The following SPIDR variants were observed in gnomAD, a reference collection of about 807,000 sequenced individuals.
SPIDR encodes scaffold protein involved in DNA repair.
In SPIDR, 93 loss-of-function variants were observed where a neutral mutation model predicts 104.6. The ratio of observed to expected loss-of-function variants is 0.89; its 90% CI spans 0.75 to 1.06. The LOEUF is 1.06. Ranked by LOEUF, SPIDR falls within the 50% of genes least tolerant of loss-of-function variation. The pLI, the probability that SPIDR is intolerant of heterozygous loss-of-function variation, is 0.00. For synonymous variants in SPIDR, 431 were observed against 416.9 expected, an observed-to-expected ratio of 1.03 and a Z score of -0.41; for missense variants, 1,154 against 1,111.2, an observed-to-expected ratio of 1.04 and a Z score of -0.55.
intron 5 of SPIDR, among the ~76,000 whole-genome samples, chr8:47,319,263 A>G (rs1371808811): frequency 2.0e-5 from 3 of 152,318 alleles, no homozygotes; most frequent in Non-Finnish European, 2.9e-5. Flanking sequence ...TACCAAGGAA[A>G]TGGAAAACAA....
intron 5 of SPIDR, among the ~76,000 whole-genome samples, chr8:47,322,698 A>T (rs572661445): frequency 6.6e-6 from 1 of 152,212 alleles, no homozygotes; most frequent in Non-Finnish European, 1.5e-5. Flanking sequence ...CAGATGTCCA[A>T]CAATGATAGA....
At chr8:47,673,640 TTC>T (rs2076063501) in intron 10 of SPIDR, 159 bp from the exon 11 acceptor site, 2 of 945,434 alleles carry the variant, frequency 2.1e-6, no homozygotes, top group Admixed American at 2.5e-5. Context: ...TACAGTGGAT[TTC>T]TTTTTTTTTT....
chr8:47,270,592 C>CT (rs1294580015), intron 1 of SPIDR, among the ~76,000 whole-genome samples: 31 of 149,170 alleles, frequency 2.1e-4, no homozygotes, highest in East Asian at 5.9e-4. Context: ...GAGGAACTAA[C>CT]TTTTTTTTTT....
intron 10 of SPIDR, among the ~76,000 whole-genome samples, chr8:47,663,866 G>A (rs554550932): frequency 2.0e-5 from 3 of 152,270 alleles, no homozygotes; most frequent in South Asian, 2.1e-4. Flanking sequence ...GCAGAATGAG[G>A]ACACAGTGGA....
chr8:47,558,839 A>C (rs995014669), intron 8 of SPIDR, among the ~76,000 whole-genome samples: 11 of 152,092 alleles, frequency 7.2e-5, no homozygotes, highest in South Asian at 6.2e-4. Context: ...ACAGGGTTTC[A>C]CTGTGTTAGC....
chr8:47,355,271 T>TAAAAAAAAAAAAAAAAAAAAAAAAAAA (rs34902790), intron 5 of SPIDR, among the ~76,000 whole-genome samples: 2 of 116,568 alleles, frequency 1.7e-5, no homozygotes, highest in African/African-American at 6.6e-5. Context: ...AGGTTTTTTG[T>TAAAAAAAAAAAAAAAAAAAAAAAAAAA]AAAAAAAAAA....
intron 7 of SPIDR, among the ~76,000 whole-genome samples, chr8:47,424,208 C>G (rs1554683040): frequency 1.3e-5 from 2 of 152,152 alleles, no homozygotes; most frequent in Non-Finnish European, 2.9e-5. Flanking sequence ...AGTGGTTGCA[C>G]CCTGGCTCCG....
rs555726468 is a variant in SPIDR, at chr8:47,427,157, C to T, written c.878-13166C>T. On this transcript the variant is annotated intron_variant, in intron 7 of 19. Transcript: ENST00000297423. ...AAATACTCAGGATAACACTCCTGGA[C>T]ACTTCTAATGCTTTTAGACTTTCTT... Among the ~76,000 whole-genome samples the T allele has an allele frequency of 7.9e-5, 12 of 151,854 alleles. No individual in the cohort carries two copies. In the South Asian group the frequency reaches 1.9e-3, roughly 24 times the overall value.
intron 16 of SPIDR, among the ~76,000 whole-genome samples, chr8:47,725,433 C>T (rs2084078680): frequency 6.6e-6 from 1 of 152,148 alleles, no homozygotes; most frequent in African/African-American, 2.4e-5. Context: ...CTCTCTGTCA[C>T]CAGGCTTGAG....
At chr8:47,670,448 C>A (rs187576736) in intron 10 of SPIDR, among the ~76,000 whole-genome samples, 1 of 152,190 alleles carries the variant, frequency 6.6e-6, no homozygotes, top group Non-Finnish European at 1.5e-5. Context: ...AAATTAGTTC[C>A]CATCTAGAAA....
chr8:47,429,397 TG>T (rs1173101481), intron 7 of SPIDR, among the ~76,000 whole-genome samples: 2 of 152,048 alleles, frequency 1.3e-5, no homozygotes, highest in African/African-American at 4.8e-5. Context: ...AATATCTCCA[TG>T]GGTCAAAGCC....
intron 16 of SPIDR, among the ~76,000 whole-genome samples, chr8:47,726,725 T>C (rs1426810979): frequency 2.6e-5 from 4 of 152,204 alleles, no homozygotes; most frequent in Non-Finnish European, 5.9e-5. Context: ...CAATTCACCA[T>C]TTATTTCATC....
At chr8:47,366,303 C>T (rs1363405618) in intron 5 of SPIDR, among the ~76,000 whole-genome samples, 1 of 152,006 alleles carries the variant, frequency 6.6e-6, no homozygotes, top group East Asian at 1.9e-4. Context: ...CCAGGGGACA[C>T]TGTTAGCCTT....
chr8:47,414,918 C>A (rs782788258), intron 7 of SPIDR, among the ~76,000 whole-genome samples: 10 of 151,594 alleles, frequency 6.6e-5, no homozygotes, highest in Non-Finnish European at 1.0e-4. Flanking sequence ...TGTTTTTTTT[C>A]TTTGAGGCAG....
intron 8 of SPIDR, among the ~76,000 whole-genome samples, chr8:47,585,222 T>C (rs1376461253): frequency 6.6e-6 from 1 of 152,156 alleles, no homozygotes. Flanking sequence ...GTACTAGAAA[T>C]TTTGCATAAA....
intron 8 of SPIDR, among the ~76,000 whole-genome samples, chr8:47,549,370 G>A (rs1400770808): frequency 6.6e-6 from 1 of 152,180 alleles, no homozygotes; most frequent in East Asian, 1.9e-4. Flanking sequence ...AGTTGAACTA[G>A]TTTACAGTCC....
chr8:47,574,962 T>C (rs1387102131), intron 8 of SPIDR, among the ~76,000 whole-genome samples: 1 of 152,010 alleles, frequency 6.6e-6, no homozygotes, highest in Non-Finnish European at 1.5e-5. Context: ...ATTACTATGA[T>C]GTTTCTTGAT....
At chr8:47,352,964 G>C (rs951439669) in intron 5 of SPIDR, among the ~76,000 whole-genome samples, 1 of 142,902 alleles carries the variant, frequency 7.0e-6, no homozygotes. Flanking sequence ...TGAGGCAGGA[G>C]AATTGCTTGA....
chr8:47,697,713 C>T (rs2079550209), intron 11 of SPIDR: 1 of 152,684 alleles, frequency 6.5e-6, no homozygotes, highest in Admixed American at 6.5e-5. Flanking sequence ...CTCCTTTCTT[C>T]TCCGCGTGTC....
Sources: allele counts gnomAD v4.1 joint callset (sites outside exome capture counted in the v4.1 genomes callset), GRCh38; gene constraint gnomAD v4.1.1; transcripts MANE v1.5; gene names NCBI Gene and HGNC (gene_info 2026-07-23, HGNC 2026-07-21).